The following ANK2 variants were observed in gnomAD, a reference collection of about 807,000 sequenced individuals.
The protein encoded by ANK2 is ankyrin-2.
ANK2 carries 83 observed loss-of-function variants against 360.5 expected under a neutral mutation model. The observed-to-expected ratio is 0.23, with a 90% CI of 0.19 to 0.28. The LOEUF (loss-of-function observed/expected upper bound fraction) is 0.28. Among genes scored for constraint, ANK2 ranks in the 10% least tolerant of loss-of-function variants. The pLI, the probability that ANK2 is intolerant of heterozygous loss-of-function variation, is 1.00. For missense variants in ANK2, 4,201 were observed against 4,795.7 expected (o/e 0.88, Z 3.66); for synonymous variants, 1,740 against 1,759.5 (o/e 0.99, Z 0.28).
intron 1 of ANK2, among the ~76,000 whole-genome samples, chr4:112,883,629 C>T (rs2077421302): frequency 1.3e-5 from 2 of 151,912 alleles, no homozygotes; most frequent in South Asian, 4.1e-4. Flanking sequence ...TTTAGCTTGA[C>T]ATTTCCCTTG....
chr4:112,999,681 A>C lies in ANK2; in HGVS notation c.21+95167A>C, dbSNP rs570007381. 2.3e-4 allele frequency among the ~76,000 whole-genome samples: 35 copies of C among 152,218 alleles called. No homozygotes were observed. In the East Asian group the frequency reaches 6.4e-3, roughly 28 times the overall value. ...TCCTTAAAAAAAAAAAGCAACAAAA[A>C]AACCCAAAGAGGCCCATATTCTCCA... is the stretch of plus-strand genomic sequence containing the variant. On this transcript the variant is annotated intron_variant, in intron 2 of 30. Transcript: ENST00000503271.
intron 2 of ANK2, chr4:112,979,692 A>G (rs1249030221): frequency 6.6e-6 from 1 of 152,312 alleles, no homozygotes; most frequent in East Asian, 1.9e-4. Context: ...GAGACCTGAA[A>G]TGGGTAGCCA....
At chr4:113,310,777 G>C (rs2079541665) in intron 23 of ANK2, among the ~76,000 whole-genome samples, 1 of 152,180 alleles carries the variant, frequency 6.6e-6, no homozygotes, top group African/African-American at 2.4e-5. Flanking sequence ...TATGCAGCTT[G>C]CACTGTGCTT....
intron 2 of ANK2, among the ~76,000 whole-genome samples, chr4:112,976,076 A>G (rs545803727): frequency 6.6e-6 from 1 of 152,174 alleles, no homozygotes; most frequent in African/African-American, 2.4e-5. Flanking sequence ...TTTCCCTGCA[A>G]TCCACAAATT....
In ANK2 at chr4:113,336,855, C is replaced by G. The variant is rs1185034413; in HGVS notation, c.3796+74C>G. On this transcript the variant is annotated intron_variant, in intron 31 of 45. Coordinates refer to ENST00000357077, the MANE Select transcript of ANK2 (RefSeq NM_001148.6). Reference sequence around the variant, plus strand: ...TAGATCGTTGTAAATATTAAATTACCTTTGTCATAAGATGTCTGCAGGGTC... The same window carrying G: ...TAGATCGTTGTAAATATTAAATTACGTTTGTCATAAGATGTCTGCAGGGTC... The G allele has an allele frequency of 3.5e-6, 5 of 1,430,206 alleles. No homozygotes were observed. The African/African-American group carries it at 5.6e-5, about 16-fold the overall frequency. 88.6% of individuals were successfully genotyped at this position (1,430,206 alleles called of 1,614,324 possible). A position where few individuals can be genotyped will look rare whatever the true frequency, so the allele number is the denominator to read the frequency against.
At chr4:113,049,876 T>A in intron 1 of ANK2, 64 bp downstream of exon 1, 2 of 1,569,894 alleles carry the variant, frequency 1.3e-6, no homozygotes. Context: ...TGTGAGTGTG[T>A]AATATCAGCA....
the ANK2 span, among the ~76,000 whole-genome samples, chr4:112,791,479 C>CTTT: frequency 4.3e-3 from 399 of 93,846 alleles, no homozygotes; most frequent in Non-Finnish European, 6.5e-3. Context: ...TCTTCTTCTT[C>CTTT]TTTTTTTTTT....
chr4:112,826,761 C>CA (rs1260943154), intron 1 of ANK2: 23 of 924,510 alleles, frequency 2.5e-5, no homozygotes, highest in Non-Finnish European at 3.8e-5. Flanking sequence ...TGTTCTAAAG[C>CA]AAATTACTCT....
the ANK2 span, among the ~76,000 whole-genome samples, chr4:112,802,962 A>G: frequency 1.3e-5 from 2 of 152,154 alleles, no homozygotes; most frequent in Non-Finnish European, 2.9e-5. Flanking sequence ...ACTGGTACTC[A>G]CTGGTAGGCT....
chr4:113,241,260 A>G (rs534057569), intron 8 of ANK2, among the ~76,000 whole-genome samples: 4 of 152,334 alleles, frequency 2.6e-5, no homozygotes, highest in Admixed American at 1.3e-4. Flanking sequence ...TGTACTAAGA[A>G]GTCATCTGCA....
At chr4:112,986,793 G>A (rs989492745) in intron 2 of ANK2, among the ~76,000 whole-genome samples, 8 of 152,204 alleles carry the variant, frequency 5.3e-5, no homozygotes, top group Non-Finnish European at 1.2e-4. Flanking sequence ...AGGGGTAGCA[G>A]TTTAGAGTGA....
In ANK2 at chr4:113,357,391, A is replaced by T. The variant is rs2095861342; in HGVS notation, c.8773A>T (p.Thr2925Ser). The T allele has an allele frequency of 1.9e-6, 3 of 1,614,050 alleles. No individual in the cohort carries two copies. The highest frequency in any genetic ancestry group is 1.7e-6 in the Non-Finnish European group (2 of 1,179,960). ...ENDEIYDPQI[T>S]SPYENVPSQS... ...TGATGAAATCTATGATCCACAAATC[A>T]CTAGCCCTTATGAAAATGTCCCTTC... The change falls in exon 38 of 46, where the codon ACT (threonine) becomes TCT (serine). Residue 2925 changes from threonine to serine, a missense_variant. Coordinates refer to ENST00000357077, the MANE Select transcript of ANK2 (RefSeq NM_001148.6).
chr4:112,760,169 A>G, the ANK2 span, among the ~76,000 whole-genome samples: 2 of 146,296 alleles, frequency 1.4e-5, no homozygotes, highest in African/African-American at 5.1e-5. Context: ...GGAGAAAAAT[A>G]TTTTTCAAAT....
intron 24 of ANK2, 128 bp downstream of exon 24, chr4:113,311,527 A>G (rs910052527): frequency 1.0e-5 from 13 of 1,252,438 alleles, no homozygotes; most frequent in Non-Finnish European, 1.4e-5. Context: ...AGCAGTTAGC[A>G]TGTTATGTTT....
chr4:112,809,344 G>T, the ANK2 span, among the ~76,000 whole-genome samples: 1 of 149,602 alleles, frequency 6.7e-6, no homozygotes, highest in Non-Finnish European at 1.5e-5. Context: ...GATGGATCAC[G>T]AGGTCAGGAG....
chr4:112,750,874 C>T, the ANK2 span, among the ~76,000 whole-genome samples: 3 of 152,046 alleles, frequency 2.0e-5, no homozygotes, highest in South Asian at 2.1e-4. Flanking sequence ...ATCACAGGCA[C>T]GGGCCACCAT....
intron 1 of ANK2, among the ~76,000 whole-genome samples, chr4:112,861,332 T>G (rs1241237340): frequency 6.6e-6 from 1 of 152,230 alleles, no homozygotes; most frequent in Admixed American, 6.5e-5. Context: ...ATTTAGGATT[T>G]CTGAATCCTT....
intron 2 of ANK2, among the ~76,000 whole-genome samples, chr4:112,994,829 C>A (rs1001478130): frequency 7.2e-5 from 11 of 152,156 alleles, no homozygotes; most frequent in African/African-American, 2.7e-4. Context: ...GTGTTTAGCT[C>A]CCACTTATAA....
At chr4:113,234,227 A>C (rs2099353329) in intron 5 of ANK2, among the ~76,000 whole-genome samples, 2 of 152,154 alleles carry the variant, frequency 1.3e-5, no homozygotes, top group South Asian at 4.1e-4. Flanking sequence ...TGGTTCCAAA[A>C]ATACCCTTTT....
Sources: allele counts gnomAD v4.1 joint callset (sites outside exome capture counted in the v4.1 genomes callset), GRCh38; gene constraint gnomAD v4.1.1; transcripts MANE v1.5; gene names NCBI Gene and HGNC (gene_info 2026-07-23, HGNC 2026-07-21).